The following TTYH3 variants were observed in gnomAD, a reference collection of about 807,000 sequenced individuals.
TTYH3 encodes tweety family member 3.
Under a neutral mutation model 68.2 loss-of-function variants are expected in TTYH3, and 23 were observed. The ratio of observed to expected loss-of-function variants is 0.34; its 90% CI spans 0.24 to 0.48. The LOEUF (loss-of-function observed/expected upper bound fraction) is 0.48. Among genes scored for constraint, TTYH3 ranks in the 20% least tolerant of loss-of-function variants. The pLI, the probability that TTYH3 is intolerant of heterozygous loss-of-function variation, is 0.99. For synonymous variants in TTYH3, 360 were observed against 332.8 expected, an observed-to-expected ratio of 1.08 and a Z score of -0.89; for missense variants, 768 against 727.7, an observed-to-expected ratio of 1.06 and a Z score of -0.64.
At chr7:2,642,659 T>C (rs764155460) in intron 1 of TTYH3, among the ~76,000 whole-genome samples, 5 of 149,060 alleles carry the variant, frequency 3.4e-5, no homozygotes, top group Admixed American at 6.7e-5. Flanking sequence ...GCCCAGGAGG[T>C]TGAGGCTTCA....
At chr7:2,648,886 TCAGTGGGGTGTGCAGGCCTG>T (rs1402432538) in intron 5 of TTYH3, among the ~76,000 whole-genome samples, 37 of 92,400 alleles carry the variant, frequency 4.0e-4, no homozygotes, top group African/African-American at 1.4e-3. Flanking sequence ...TGTGGGGTCC[TCAGTGGGGTGTGCAGGCCTG>T]CAGTGGGGTG....
Position 2,658,129 on chromosome 7 carries a change from C to T in TTYH3, c.1251-157C>T, listed in dbSNP as rs111834755. The stretch of plus-strand genomic sequence containing the variant: ...CGCAAGGGCAGGGCTGGATGCAGAG[C>T]CAGGTGACCTGCCCACAGTCCCACA... On this transcript the variant is annotated intron_variant, in intron 11 of 13. Coordinates refer to ENST00000258796, the MANE Select transcript of TTYH3 (RefSeq NM_025250.3). Among the ~76,000 whole-genome samples, 4 of 152,340 alleles carry T rather than the reference C, an allele frequency of 2.6e-5. 1 individual carries two copies. Among genetic ancestry groups the T allele is most frequent in the African/African-American group, 9.6e-5 (4 of 41,582 alleles).
At chr7:2,640,284 C>T (rs1289814024) in intron 1 of TTYH3, among the ~76,000 whole-genome samples, 1 of 152,234 alleles carries the variant, frequency 6.6e-6, no homozygotes, top group African/African-American at 2.4e-5. Flanking sequence ...AGCCCAGCCA[C>T]GCGCCACGGT....
In TTYH3 at chr7:2,663,086, G is replaced by A. The variant is rs969580012; in HGVS notation, c.*1347G>A. Reference sequence around the variant, plus strand: ...GTTTGCTGTGCTTCCCGCCGTGGAGGGCAGAGCCACCCCACATCAGGATCG... The same window carrying A: ...GTTTGCTGTGCTTCCCGCCGTGGAGAGCAGAGCCACCCCACATCAGGATCG... On this transcript the variant is annotated 3_prime_UTR_variant, in exon 14 of 14. Transcript: ENST00000258796. The A allele has an allele frequency of 3.3e-5, 5 of 152,376 alleles. No individual in the cohort carries two copies. Among genetic ancestry groups the A allele is most frequent in the East Asian group, 3.8e-4 (2 of 5,230 alleles). The allele number at this position is 152,376 out of a possible 1,614,324, so 9.4% of individuals were successfully genotyped here.
chr7:2,655,233 G>A (rs1786300645), intron 9 of TTYH3, among the ~76,000 whole-genome samples: 1 of 152,084 alleles, frequency 6.6e-6, no homozygotes, highest in Admixed American at 6.5e-5. Flanking sequence ...GGCAAACTTC[G>A]CCTCCCGGCT....
chr7:2,636,384 G>A (rs1031995746), intron 1 of TTYH3, among the ~76,000 whole-genome samples: 2 of 152,188 alleles, frequency 1.3e-5, no homozygotes, highest in African/African-American at 4.8e-5. Context: ...CTCCAGCTGG[G>A]TTCAGTCCAA....
chr7:2,638,852 C>A (rs529241577), intron 1 of TTYH3, among the ~76,000 whole-genome samples: 17 of 152,182 alleles, frequency 1.1e-4, no homozygotes, highest in South Asian at 2.1e-4. Context: ...CTGGACCCCC[C>A]ACTTGTGCAA....
chr7:2,645,318 A>C lies in TTYH3; in HGVS notation c.124-1535A>C, dbSNP rs1231887413. 1.3e-5 allele frequency among the ~76,000 whole-genome samples: 2 copies of C among 152,122 alleles called. No homozygotes were observed. The highest frequency in any genetic ancestry group is 2.9e-5 in the Non-Finnish European group (2 of 68,016). ...GTGTGCTTTCTCTGTAGCTTCTATGAAGCCCAGTTTCCCTGTGGATGAAAT... is the reference window on the plus strand; with the variant it reads ...GTGTGCTTTCTCTGTAGCTTCTATGCAGCCCAGTTTCCCTGTGGATGAAAT... On this transcript the variant is annotated intron_variant, in intron 1 of 13. Coordinates refer to ENST00000258796, the MANE Select transcript of TTYH3 (RefSeq NM_025250.3). The surrounding 1 kb of genome is among the most constrained non-coding windows in gnomAD (Gnocchi z 4.8).
At position 2,632,237 on chromosome 7, in the gene TTYH3, A is replaced by G. The variant is rs780858813; in HGVS notation, c.82A>G (p.Thr28Ala). ...LPHFDLSWEA[T>A]SSQFRPEDTD... ...CCACTTCGACCTGAGCTGGGAGGCC[A>G]CTAGCAGCCAGTTCCGGCCCGAGGA... The change falls in exon 1 of 14, where the codon ACT becomes GCT. Residue 28 changes from threonine to alanine, a missense_variant. By Grantham distance (58) the Thr-to-Ala change is moderately conservative (BLOSUM62 0). Transcript: ENST00000258796. 6.3e-7 allele frequency: 1 copy of G among 1,587,436 alleles called. No individual in the cohort carries two copies. Among genetic ancestry groups the G allele is most frequent in the African/African-American group, 1.3e-5 (1 of 74,384 alleles).
At chr7:2,658,860 C>A in intron 12 of TTYH3, 80 bp from the exon 13 acceptor site, 1 of 1,391,388 alleles carries the variant, frequency 7.2e-7, no homozygotes, top group South Asian at 1.2e-5. Flanking sequence ...GCACAGCGGG[C>A]CTACCCATGG....
intron 1 of TTYH3, among the ~76,000 whole-genome samples, chr7:2,644,942 G>C (rs754917333): frequency 2.0e-5 from 3 of 152,260 alleles, no homozygotes; most frequent in East Asian, 1.9e-4. Flanking sequence ...CATCCCAAGG[G>C]GGGGCCAGGC....
At chr7:2,647,105 T>C (rs769517320) in intron 2 of TTYH3, 37 bp from the exon 3 acceptor site, 41 of 1,134,124 alleles carry the variant, frequency 3.6e-5, no homozygotes, top group Non-Finnish European at 4.9e-5. Flanking sequence ...TGTGTGTGGG[T>C]GGGCGGGGCT....
chr7:2,656,300 G>T, intron 10 of TTYH3, 98 bp from the exon 11 acceptor site: 1 of 1,564,170 alleles, frequency 6.4e-7, no homozygotes, highest in East Asian at 2.3e-5. Context: ...CCTGCCTCTG[G>T]GGGGCGGTCC....
chr7:2,649,757 TG>T, intron 6 of TTYH3, 118 bp downstream of exon 6: 1 of 1,459,272 alleles, frequency 6.9e-7, no homozygotes. Context: ...CCGAGAGCGG[TG>T]GGGACCCACC....
chr7:2,643,665 C>A (rs1004526887), intron 1 of TTYH3, among the ~76,000 whole-genome samples: 1 of 152,254 alleles, frequency 6.6e-6, no homozygotes, highest in Non-Finnish European at 1.5e-5. Flanking sequence ...GGGCTTATCT[C>A]GCTCTGCCTC....
rs1562703817 is a variant in TTYH3, at chr7:2,632,196, TC to T, written c.43del (p.Leu15CysfsTer9). The T allele has an allele frequency of 6.4e-7, 1 of 1,555,496 alleles. No homozygotes were observed. On this transcript the variant is annotated frameshift_variant, in exon 1 of 14. Coordinates refer to ENST00000258796, the MANE Select transcript of TTYH3 (RefSeq NM_025250.3). LOFTEE classifies it high-confidence loss of function. ...VSYAAPWWVSLLHRLPHFDLS... is the reference protein window; with the variant it reads ...VSYAAPWWVSXLHRLPHFDLS... ...TACGCGGCGCCCTGGTGGGTGAGCC[TC>T]CTGCACCGGCTGCCCCACTTCGACC...
intron 1 of TTYH3, among the ~76,000 whole-genome samples, chr7:2,634,046 G>A (rs574866250): frequency 2.6e-5 from 4 of 152,266 alleles, no homozygotes; most frequent in East Asian, 1.9e-4. Context: ...CCTGCCCTGC[G>A]CTCTGCTCTG....
chr7:2,652,065 A>C, intron 7 of TTYH3, 122 bp from the exon 8 acceptor site: 1 of 796,636 alleles, frequency 1.3e-6, no homozygotes, highest in Non-Finnish European at 2.1e-6. Context: ...ACAGACACAC[A>C]TGCACACATG....
rs1323900164 is a variant in TTYH3 at position 2,652,950 on chromosome 7, G to A, written c.960G>A (p.Glu320=). Residue 320 remains glutamate, a synonymous_variant, in exon 9 of 14, where the codon GAG becomes GAA. Transcript: ENST00000258796. ...CGGGCAGCCACAAGGCACTGGTGGA[G>A]ATGCAGGATGTCGTGGCTGAGCTTC... ...KLSGSHKALV[E]MQDVVAELLR... The A allele has an allele frequency of 1.9e-6, 3 of 1,576,646 alleles. No individual in the cohort carries two copies. Among genetic ancestry groups the A allele is most frequent in the Non-Finnish European group, 1.7e-6 (2 of 1,161,662 alleles).
Sources: gnomAD v4.1 joint callset for allele counts (sites outside exome capture counted in the v4.1 genomes callset) on GRCh38, gnomAD v4.1.1 for gene constraint, Gnocchi (gnomAD v3.1) non-coding constraint, MANE v1.5 for transcripts, NCBI Gene and HGNC (gene_info 2026-07-23, HGNC 2026-07-21) for gene names.